Variants in SENP6 observed in about 807,000 individuals in gnomAD.
SENP6 encodes the protein sentrin-specific protease 6.
SENP6 carries 41 observed loss-of-function variants against 134.5 expected under a neutral mutation model. The observed-to-expected ratio is 0.30, with a 90% CI of 0.24 to 0.40. The LOEUF (loss-of-function observed/expected upper bound fraction) is 0.40. Among genes scored for constraint, SENP6 ranks in the 10% least tolerant of loss-of-function variants. The pLI is 1.00. For synonymous variants in SENP6, 395 were observed against 429.8 expected (o/e 0.92, Z 1.00); for missense variants, 1,248 against 1,312.5 (o/e 0.95, Z 0.76).
At chr6:75,656,103 T>G (rs755262814) in intron 7 of SENP6, among the ~76,000 whole-genome samples, 5 of 151,076 alleles carry the variant, frequency 3.3e-5, no homozygotes, top group Admixed American at 1.3e-4. Flanking sequence ...TAATCCCAGC[T>G]ACTCAGGAGG....
chr6:75,618,135 C>T (rs567903), intron 1 of SENP6, among the ~76,000 whole-genome samples: 29,639 of 151,900 alleles, frequency 0.2, 3,329 homozygotes, highest in African/African-American at 0.3. Flanking sequence ...GTGTTTTTGA[C>T]GTAAGTTACC....
At chr6:75,609,098 A>T (rs1767249043) in intron 1 of SENP6, among the ~76,000 whole-genome samples, 1 of 149,814 alleles carries the variant, frequency 6.7e-6, no homozygotes, top group African/African-American at 2.4e-5. Flanking sequence ...TGAGGTATAG[A>T]AGGGTTGTTT....
intron 16 of SENP6, among the ~76,000 whole-genome samples, chr6:75,682,736 C>T (rs1413491968): frequency 6.6e-6 from 1 of 152,188 alleles, no homozygotes; most frequent in African/African-American, 2.4e-5. Context: ...GACATGAACT[C>T]ATCCTTTTTT....
At chr6:75,608,654 G>C (rs933700258) in intron 1 of SENP6, among the ~76,000 whole-genome samples, 3 of 150,774 alleles carry the variant, frequency 2.0e-5, no homozygotes, top group African/African-American at 7.4e-5. Context: ...TTTACTACTT[G>C]TTAGCTATGT....
At chr6:75,649,549 A>G (rs905932705) in intron 7 of SENP6, among the ~76,000 whole-genome samples, 1 of 151,976 alleles carries the variant, frequency 6.6e-6, no homozygotes, top group African/African-American at 2.4e-5. Flanking sequence ...ATGGGGTCTC[A>G]CTCTGTAGCC....
rs1270716131 is a variant in SENP6, at chr6:75,697,383, TAGAAATATTTCAGAAGCTTATAATTTA to T, written c.2196-41_2196-15del. ...AATCACTACATATAAGCTGGAGCACTAGAAATATTTCAGAAGCTTATAATTTATCTCTTTCTTACAGAATACAGCAAA... is the reference window on the plus strand; with the variant it reads ...AATCACTACATATAAGCTGGAGCACTTCTCTTTCTTACAGAATACAGCAAA... On this transcript the variant is annotated splice_polypyrimidine_tract_variant and intron_variant, in intron 17 of 23. Coordinates refer to ENST00000447266, the MANE Select transcript of SENP6 (RefSeq NM_015571.4). 2.2e-6 allele frequency: 3 copies of T among 1,375,730 alleles called. No individual in the cohort carries two copies. Among genetic ancestry groups the T allele is most frequent in the Non-Finnish European group, 3.1e-6 (3 of 976,792 alleles). 85.2% of individuals were successfully genotyped at this position (1,375,730 alleles called of 1,614,324 possible).
Position 75,663,239 on chromosome 6 carries a change from A to C in SENP6, c.715A>C (p.Arg239=), listed in dbSNP as rs745537228. The change falls in exon 9 of 24, where the codon AGA becomes CGA. Residue 239 remains arginine (R), a synonymous_variant. Transcript: ENST00000447266. Reference sequence around the variant, plus strand: ...TTCTAAGGATTTGCAAAGAAATTGCAGACAAGCTATTACTTTGAATGAGTC... The same window carrying C: ...TTCTAAGGATTTGCAAAGAAATTGCCGACAAGCTATTACTTTGAATGAGTC... The part of the protein sequence containing the change: ...THLEDLQRNC[R]QAITLNESTG... 13 of 1,609,716 alleles carry C rather than the reference A, an allele frequency of 8.1e-6. No individual in the cohort carries two copies. The East Asian group carries it at 2.9e-4, about 36-fold the overall frequency.
chr6:75,624,533 C>T (rs1454034777), intron 3 of SENP6, among the ~76,000 whole-genome samples: 1 of 151,658 alleles, frequency 6.6e-6, no homozygotes, highest in Non-Finnish European at 1.5e-5. Flanking sequence ...TATCTGTTTC[C>T]CCACACATCC....
chr6:75,619,376 G>A (rs774499137), intron 1 of SENP6, among the ~76,000 whole-genome samples: 3 of 151,888 alleles, frequency 2.0e-5, no homozygotes, highest in Non-Finnish European at 4.4e-5. Flanking sequence ...CTGTTTTCAA[G>A]GTTCATCTGT....
chr6:75,655,476 C>G (rs1771247940), intron 7 of SENP6, among the ~76,000 whole-genome samples: 1 of 152,174 alleles, frequency 6.6e-6, no homozygotes, highest in Non-Finnish European at 1.5e-5. Flanking sequence ...TCTTCCCCCT[C>G]AAATGTAACC....
intron 1 of SENP6, among the ~76,000 whole-genome samples, chr6:75,608,847 T>G (rs1028601570): frequency 2.0e-5 from 3 of 152,252 alleles, no homozygotes; most frequent in African/African-American, 7.2e-5. Flanking sequence ...ATTATTTATT[T>G]TATTAGCAGA....
chr6:75,635,671 G>T (rs1769456108), intron 5 of SENP6, among the ~76,000 whole-genome samples: 1 of 152,084 alleles, frequency 6.6e-6, no homozygotes, highest in South Asian at 2.1e-4. Flanking sequence ...CACCTGAGAT[G>T]CTTGAGAAAC....
chr6:75,677,329 A>G, intron 14 of SENP6, 73 bp downstream of exon 14: 1 of 977,146 alleles, frequency 1.0e-6, no homozygotes, highest in Non-Finnish European at 1.5e-6. Flanking sequence ...TTTTATTTTA[A>G]TACTGTTCAT....
intron 10 of SENP6, among the ~76,000 whole-genome samples, chr6:75,670,016 G>A (rs1207894176): frequency 2.0e-5 from 3 of 151,842 alleles, no homozygotes; most frequent in South Asian, 2.1e-4. Flanking sequence ...TCACTGCAAC[G>A]TCCACCTCCC....
chr6:75,702,365 A>G (rs1775095176), intron 18 of SENP6, among the ~76,000 whole-genome samples: 1 of 151,846 alleles, frequency 6.6e-6, no homozygotes, highest in Non-Finnish European at 1.5e-5. Flanking sequence ...TTACGGGTGC[A>G]CACCACTGCG....
chr6:75,615,544 A>G (rs1260014991), intron 1 of SENP6, among the ~76,000 whole-genome samples: 1 of 152,184 alleles, frequency 6.6e-6, no homozygotes, highest in Non-Finnish European at 1.5e-5. Flanking sequence ...TCAAATGTTT[A>G]CTTTTGCTTT....
chr6:75,640,727 T>G (rs1187117442), intron 6 of SENP6, 23 bp downstream of exon 6: 2 of 1,434,494 alleles, frequency 1.4e-6, no homozygotes, highest in African/African-American at 1.4e-5. Context: ...TTGAAGAAAT[T>G]AGAGCATGGA....
chr6:75,603,066 G>T (rs1362590745), intron 1 of SENP6, among the ~76,000 whole-genome samples: 1 of 152,230 alleles, frequency 6.6e-6, no homozygotes, highest in African/African-American at 2.4e-5. Flanking sequence ...TTTGCAGCCA[G>T]CCTTCAGATT....
chr6:75,653,176 C>T (rs368151542), intron 7 of SENP6, among the ~76,000 whole-genome samples: 1 of 151,992 alleles, frequency 6.6e-6, no homozygotes. Context: ...GATTACAGGC[C>T]TGGGCCAGTC....
Sources: allele counts gnomAD v4.1 joint callset (sites outside exome capture counted in the v4.1 genomes callset), GRCh38; gene constraint gnomAD v4.1.1; transcripts MANE v1.5; gene names NCBI Gene and HGNC (gene_info 2026-07-23, HGNC 2026-07-21).